The following NPAS3 variants were observed in gnomAD, a reference collection of about 807,000 sequenced individuals.
NPAS3 encodes neuronal PAS domain-containing protein 3.
A neutral mutation model predicts 73.1 loss-of-function variants in NPAS3; 14 were observed. The observed-to-expected ratio is 0.19, with a 90% confidence interval of 0.13 to 0.30. NPAS3 has a LOEUF of 0.30. NPAS3 is among the 10% of genes least tolerant of loss of function. NPAS3 has a pLI of 1.00. For synonymous variants in NPAS3, 620 were observed against 541.5 expected, an observed-to-expected ratio of 1.14 and a Z score of -2.01; for missense variants, 1,096 against 1,250.0, an observed-to-expected ratio of 0.88 and a Z score of 1.86.
At chr14:33,533,304 A>G (rs567855306) in intron 4 of NPAS3, among the ~76,000 whole-genome samples, 4 of 152,322 alleles carry the variant, frequency 2.6e-5, no homozygotes, top group East Asian at 3.9e-4. Flanking sequence ...CAAAAATTCA[A>G]CAAGAAGACA....
At chr14:33,637,681 C>A (rs1481585505) in intron 5 of NPAS3, among the ~76,000 whole-genome samples, 1 of 152,114 alleles carries the variant, frequency 6.6e-6, no homozygotes, top group East Asian at 1.9e-4. Flanking sequence ...AATGACTTAC[C>A]TTTTTTGTTT....
chr14:33,178,382 C>G (rs1420000301), intron 2 of NPAS3, among the ~76,000 whole-genome samples: 1 of 151,992 alleles, frequency 6.6e-6, no homozygotes, highest in Non-Finnish European at 1.5e-5. Context: ...CGAAGTGAAT[C>G]TTTACATTGC....
intron 5 of NPAS3, among the ~76,000 whole-genome samples, chr14:33,599,384 T>G (rs1394002763): frequency 6.6e-6 from 1 of 152,184 alleles, no homozygotes; most frequent in Admixed American, 6.5e-5. Context: ...TTATGCCTAG[T>G]TGGAAAAATG....
At chr14:33,279,328 C>A (rs929088041) in intron 3 of NPAS3, among the ~76,000 whole-genome samples, 3 of 152,058 alleles carry the variant, frequency 2.0e-5, no homozygotes, top group African/African-American at 7.2e-5. Flanking sequence ...ATGTACCAGG[C>A]ACAATGCTAA....
chr14:33,795,524 G>T (rs752549433), intron 10 of NPAS3, among the ~76,000 whole-genome samples: 9 of 152,138 alleles, frequency 5.9e-5, no homozygotes, highest in Non-Finnish European at 1.2e-4. Context: ...CTTTTGCTAG[G>T]CAAAATGATA....
chr14:32,963,844 G>C (rs2037032936), intron 1 of NPAS3, among the ~76,000 whole-genome samples: 2 of 152,056 alleles, frequency 1.3e-5, no homozygotes, highest in South Asian at 4.1e-4. Flanking sequence ...TGGCATGAAT[G>C]ATCCTGATCC....
At chr14:33,185,017 G>A (rs2139465405) in intron 2 of NPAS3, among the ~76,000 whole-genome samples, 1 of 152,180 alleles carries the variant, frequency 6.6e-6, no homozygotes, top group Admixed American at 6.5e-5. Context: ...CTCTTTCAGT[G>A]AATGAATGAA....
At chr14:33,198,716 C>T (rs544658572) in intron 2 of NPAS3, among the ~76,000 whole-genome samples, 40 of 152,344 alleles carry the variant, frequency 2.6e-4, no homozygotes, top group African/African-American at 7.9e-4. Flanking sequence ...CGGAGCTGCC[C>T]GCCAGCCCTG....
chr14:33,526,367 A>C (rs1196889639), intron 4 of NPAS3, among the ~76,000 whole-genome samples: 1 of 152,102 alleles, frequency 6.6e-6, no homozygotes, highest in East Asian at 1.9e-4. Context: ...TAGGCTCTCC[A>C]GCCATTTGTT....
At chr14:33,100,707 C>T (rs764787160) in intron 2 of NPAS3, among the ~76,000 whole-genome samples, 1 of 152,108 alleles carries the variant, frequency 6.6e-6, no homozygotes, top group Non-Finnish European at 1.5e-5. Flanking sequence ...ATTTTTAGTG[C>T]ATATTGTCCC....
chr14:33,061,084 T>C (rs1047873372), intron 2 of NPAS3, among the ~76,000 whole-genome samples: 3 of 152,200 alleles, frequency 2.0e-5, no homozygotes, highest in African/African-American at 7.2e-5. Flanking sequence ...TCAGCTCTTT[T>C]GTACAAGACA....
intron 5 of NPAS3, among the ~76,000 whole-genome samples, chr14:33,661,393 C>T (rs956744944): frequency 6.6e-6 from 1 of 152,198 alleles, no homozygotes; most frequent in Non-Finnish European, 1.5e-5. Flanking sequence ...AGGGCTCTAA[C>T]CCTGCCCCGT....
rs544349321 is a variant in NPAS3 at position 33,179,162 on chromosome 14, C to G, written c.141-36020C>G. Among the ~76,000 whole-genome samples the G allele has an allele frequency of 8.6e-5, 13 of 151,994 alleles. No homozygotes were observed. The South Asian group carries it at 2.3e-3, about 27-fold the overall frequency. On this transcript the variant is annotated intron_variant, in intron 2 of 11. Transcript: ENST00000356141. ...ATTACTGGGATAAATCCTACTTGGT[C>G]TAATTATGTTAATATGATGTTGGAG...
At chr14:33,215,755 G>A (rs1028799) in intron 3 of NPAS3, among the ~76,000 whole-genome samples, 14,330 of 152,084 alleles carry the variant, frequency 0.094, 806 homozygotes, top group Non-Finnish European at 0.13. Context: ...CTTCATGAGT[G>A]GGGTATGGAC....
intron 1 of NPAS3, among the ~76,000 whole-genome samples, chr14:33,018,301 A>G (rs550659937): frequency 6.6e-6 from 1 of 152,318 alleles, no homozygotes; most frequent in South Asian, 2.1e-4. Context: ...CAGTGGCAGA[A>G]TGGGCTCCAG....
At chr14:33,370,428 T>A (rs1016150120) in intron 4 of NPAS3, among the ~76,000 whole-genome samples, 2 of 152,010 alleles carry the variant, frequency 1.3e-5, no homozygotes, top group African/African-American at 4.8e-5. Flanking sequence ...TGGGGACTGT[T>A]TAGATGTTTG....
chr14:33,289,780 C>T (rs1758900171), intron 3 of NPAS3, among the ~76,000 whole-genome samples: 1 of 151,626 alleles, frequency 6.6e-6, no homozygotes, highest in Non-Finnish European at 1.5e-5. Flanking sequence ...CGAGATTGCA[C>T]CACTGCACTC....
intron 2 of NPAS3, among the ~76,000 whole-genome samples, chr14:33,107,470 AATGTTTAGCTCCCACAG>A (rs2042758549): frequency 6.6e-6 from 1 of 152,026 alleles, no homozygotes; most frequent in Non-Finnish European, 1.5e-5. Context: ...ACGTATACCC[AATGTTTAGCTCCCACAG>A]ATAATTGAGA....
chr14:32,971,866 T>G (rs554613903), intron 1 of NPAS3, among the ~76,000 whole-genome samples: 4 of 152,258 alleles, frequency 2.6e-5, no homozygotes, highest in Non-Finnish European at 1.5e-5. Flanking sequence ...AAACAGCATT[T>G]ATTAAGATAG....
Sources: allele counts gnomAD v4.1 joint callset (sites outside exome capture counted in the v4.1 genomes callset), GRCh38; gene constraint gnomAD v4.1.1; transcripts MANE v1.5; gene names NCBI Gene and HGNC (gene_info 2026-07-23, HGNC 2026-07-21).